The following HMBOX1 variants were observed in gnomAD, a reference collection of about 807,000 sequenced individuals.
The protein encoded by HMBOX1 is homeobox-containing protein 1.
HMBOX1 carries 14 observed loss-of-function variants against 54.5 expected under a neutral mutation model. The ratio of observed to expected loss-of-function variants is 0.26; its 90% confidence interval spans 0.17 to 0.40. HMBOX1 has a LOEUF of 0.40. Ranked by LOEUF, HMBOX1 falls within the 10% of genes least tolerant of loss-of-function variation. HMBOX1 has a pLI of 1.00. For synonymous variants in HMBOX1, 160 were observed against 181.0 expected (o/e 0.88, Z 0.93); for missense variants, 332 against 514.4 (o/e 0.65, Z 3.43).
intron 4 of HMBOX1, among the ~76,000 whole-genome samples, chr8:28,981,618 C>T (rs75113074): frequency 0.031 from 4,756 of 151,964 alleles, 228 homozygotes; most frequent in African/African-American, 0.11. Context: ...CATTGCAACG[C>T]TGATTTTTTT....
chr8:28,912,666 T>C (rs1221220146), intron 1 of HMBOX1, among the ~76,000 whole-genome samples: 1 of 152,200 alleles, frequency 6.6e-6, no homozygotes, highest in Non-Finnish European at 1.5e-5. Flanking sequence ...GTGTTTTGGG[T>C]TTTCTTCTTT....
chr8:28,938,632 G>A (rs978765027), intron 1 of HMBOX1, among the ~76,000 whole-genome samples: 3 of 150,146 alleles, frequency 2.0e-5, no homozygotes, highest in Non-Finnish European at 4.4e-5. Flanking sequence ...TTTTTTGGTA[G>A]AGACAGGGTC....
chr8:29,049,364 A>G (rs1291961595), intron 9 of HMBOX1: 1 of 1,531,954 alleles, frequency 6.5e-7, no homozygotes, highest in Admixed American at 2.0e-5. Context: ...CAGAGAAGGT[A>G]GAAGAAGAGA....
intron 2 of HMBOX1, among the ~76,000 whole-genome samples, chr8:28,969,418 A>G (rs892428398): frequency 1.3e-5 from 2 of 152,144 alleles, no homozygotes; most frequent in Non-Finnish European, 2.9e-5. Context: ...ATTACCAGAG[A>G]TGGAAAACTT....
intron 1 of HMBOX1, among the ~76,000 whole-genome samples, chr8:28,958,844 CCTTTT>C (rs1824950834): frequency 6.6e-6 from 1 of 151,960 alleles, no homozygotes; most frequent in South Asian, 2.1e-4. Flanking sequence ...TTACTGAATG[CCTTTT>C]CAACATCTAT....
intron 1 of HMBOX1, among the ~76,000 whole-genome samples, chr8:28,917,356 T>C (rs897340885): frequency 1.6e-4 from 25 of 152,234 alleles, no homozygotes; most frequent in Non-Finnish European, 2.8e-4. Context: ...GGATTGTTAG[T>C]TCATTGTTAA....
intron 8 of HMBOX1, 99 bp from the exon 9 acceptor site, chr8:29,048,855 A>C (rs1806003540): frequency 2.6e-6 from 2 of 776,770 alleles, no homozygotes; most frequent in Admixed American, 4.6e-5. Flanking sequence ...TTGTTTAATT[A>C]CATTCTAATT....
chr8:28,997,652 TC>T (rs1478779583), intron 4 of HMBOX1, among the ~76,000 whole-genome samples: 2 of 152,172 alleles, frequency 1.3e-5, no homozygotes, highest in African/African-American at 2.4e-5. Context: ...GCTCAAGTGA[TC>T]CTTCCACCTC....
At position 28,907,305 on chromosome 8, in the gene HMBOX1, G is replaced by A. The variant is rs554959775; in HGVS notation, c.-58+16627G>A. Among the ~76,000 whole-genome samples, 5 of 152,266 alleles carry A rather than the reference G, an allele frequency of 3.3e-5. No individual in the cohort carries two copies. The Middle Eastern group carries it at 0.014, about 414-fold the overall frequency. ...GAAATGAAGGGAGTAAGATGTTCTT[G>A]TCTAAAGTCTTATTGCCAGGGTAGA... On this transcript the variant is annotated intron_variant, in intron 1 of 9. Coordinates refer to ENST00000287701, the MANE Select transcript of HMBOX1 (RefSeq NM_001135726.3).
chr8:28,905,987 T>G (rs569045242), intron 1 of HMBOX1, among the ~76,000 whole-genome samples: 1 of 152,356 alleles, frequency 6.6e-6, no homozygotes, highest in Non-Finnish European at 1.5e-5. Context: ...TGCATAATTT[T>G]GGCTACATGA....
At chr8:28,943,968 C>T (rs1821933334) in intron 1 of HMBOX1, among the ~76,000 whole-genome samples, 1 of 152,170 alleles carries the variant, frequency 6.6e-6, no homozygotes. Context: ...GATCCAGCCC[C>T]ATAAGCCAGG....
chr8:28,902,941 G>T (rs961980553), intron 1 of HMBOX1, among the ~76,000 whole-genome samples: 2 of 152,156 alleles, frequency 1.3e-5, no homozygotes, highest in African/African-American at 2.4e-5. Flanking sequence ...TTTGCTTTCA[G>T]GTTACAAGTG....
chr8:28,946,110 G>A (rs1384841111), intron 1 of HMBOX1, among the ~76,000 whole-genome samples: 3 of 151,730 alleles, frequency 2.0e-5, no homozygotes, highest in Non-Finnish European at 4.4e-5. Flanking sequence ...CCACCACTAT[G>A]CCCAGCTAAT....
chr8:28,934,785 G>T (rs2131944696), intron 1 of HMBOX1, among the ~76,000 whole-genome samples: 1 of 152,214 alleles, frequency 6.6e-6, no homozygotes, highest in South Asian at 2.1e-4. Flanking sequence ...AAATTAGCTG[G>T]GCGCGGTGGC....
In HMBOX1 at chr8:29,051,401, T is replaced by C; in HGVS notation, c.*246T>C. ...ACTTCCCTCTCCCAGCCCCCGAGGC[T>C]AGAAAATCTTGCTGCTCCGTCTTAG... On this transcript the variant is annotated 3_prime_UTR_variant, in exon 10 of 10. Transcript: ENST00000287701. The C allele has an allele frequency of 1.5e-6, 1 of 649,772 alleles. No individual in the cohort carries two copies. Among genetic ancestry groups the C allele is most frequent in the Non-Finnish European group, 2.8e-6 (1 of 356,858 alleles). 40.3% of individuals were successfully genotyped at this position (649,772 alleles called of 1,614,324 possible).
At chr8:29,039,578 A>G (rs1312133726) in intron 6 of HMBOX1, among the ~76,000 whole-genome samples, 1 of 152,128 alleles carries the variant, frequency 6.6e-6, no homozygotes, top group East Asian at 1.9e-4. Flanking sequence ...GTATTCATTT[A>G]TTCAACCATC....
intron 6 of HMBOX1, among the ~76,000 whole-genome samples, chr8:29,041,842 A>G (rs2133315121): frequency 6.6e-6 from 1 of 152,294 alleles, no homozygotes; most frequent in African/African-American, 2.4e-5. Context: ...GAACACCTCT[A>G]TAATAAACCT....
intron 1 of HMBOX1, among the ~76,000 whole-genome samples, chr8:28,928,726 A>G (rs1032827121): frequency 6.6e-6 from 1 of 152,256 alleles, no homozygotes; most frequent in African/African-American, 2.4e-5. Context: ...AAATAAGGAT[A>G]ACTTTCTATT....
chr8:28,928,426 A>C (rs1818925719), intron 1 of HMBOX1, among the ~76,000 whole-genome samples: 2 of 152,306 alleles, frequency 1.3e-5, no homozygotes, highest in African/African-American at 2.4e-5. Context: ...AAATTGTTAC[A>C]TATATATACA....
Sources: allele counts gnomAD v4.1 joint callset (sites outside exome capture counted in the v4.1 genomes callset), GRCh38; gene constraint gnomAD v4.1.1; transcripts MANE v1.5; gene names NCBI Gene and HGNC (gene_info 2026-07-23, HGNC 2026-07-21).